The following RANBP2 variants were observed in gnomAD, a reference collection of about 807,000 sequenced individuals.
The protein encoded by RANBP2 is RAN binding protein 2, also known as E3 SUMO-protein ligase RanBP2.
In RANBP2, 57 loss-of-function variants were observed where a neutral mutation model predicts 303.6. The observed-to-expected ratio is 0.19, with a 90% CI of 0.15 to 0.23. RANBP2 has a LOEUF of 0.23. Ranked by LOEUF, RANBP2 falls within the 10% of genes least tolerant of loss-of-function variation. RANBP2 has a pLI of 1.00. For synonymous variants in RANBP2, 1,167 were observed against 1,301.5 expected (o/e 0.90, Z 2.23); for missense variants, 3,138 against 3,780.8 (o/e 0.83, Z 4.46).
intron 25 of RANBP2, 45 bp from the exon 26 acceptor site, chr2:108,781,224 T>TA (rs1678235068): frequency 1.3e-6 from 2 of 1,598,652 alleles, no homozygotes. Flanking sequence ...ATGAAAAATG[T>TA]AAAAAATAGA....
intron 1 of RANBP2, among the ~76,000 whole-genome samples, chr2:108,721,808 C>T (rs1264666372): frequency 1.3e-5 from 2 of 152,042 alleles, no homozygotes; most frequent in Non-Finnish European, 2.9e-5. Flanking sequence ...GTGGCGGGAT[C>T]GTGGCTCACT....
the RANBP2 span, among the ~76,000 whole-genome samples, chr2:109,397,990 C>T: frequency 6.6e-6 from 1 of 152,238 alleles, no homozygotes; most frequent in African/African-American, 2.4e-5. Flanking sequence ...ATTGACACCT[C>T]CTGGGGTATG....
At chr2:109,720,062 C>T in the RANBP2 span, among the ~76,000 whole-genome samples, 38 of 152,226 alleles carry the variant, frequency 2.5e-4, no homozygotes, top group South Asian at 5.6e-3. Flanking sequence ...CAGCCAGCTT[C>T]GGCCAGCTAA....
At chr2:109,544,450 CA>C in the RANBP2 span, 11 of 1,392,526 alleles carry the variant, frequency 7.9e-6, no homozygotes, top group Middle Eastern at 2.7e-4. Context: ...AAGAAAAAAC[CA>C]AAAACACCAA....
the RANBP2 span, among the ~76,000 whole-genome samples, chr2:109,430,628 G>A: frequency 3.9e-5 from 6 of 152,118 alleles, no homozygotes; most frequent in African/African-American, 1.2e-4. Context: ...CGTGTTGGCT[G>A]CAGTTGTTTG....
the RANBP2 span, among the ~76,000 whole-genome samples, chr2:109,423,137 T>C: frequency 6.6e-6 from 1 of 151,894 alleles, no homozygotes; most frequent in Non-Finnish European, 1.5e-5. Context: ...ACCACCCAGA[T>C]GGCACCTGAG....
the RANBP2 span, among the ~76,000 whole-genome samples, chr2:108,911,910 T>A: frequency 1.3e-5 from 2 of 152,340 alleles, no homozygotes; most frequent in African/African-American, 4.8e-5. Flanking sequence ...GGGGAATACC[T>A]GTAATAGCGT....
the RANBP2 span, chr2:109,574,799 T>C: frequency 6.8e-7 from 1 of 1,467,088 alleles, no homozygotes; most frequent in Non-Finnish European, 9.2e-7. Context: ...TAATACAACA[T>C]TATTTGTGCT....
chr2:109,524,101 G>A, the RANBP2 span, among the ~76,000 whole-genome samples: 7 of 152,288 alleles, frequency 4.6e-5, no homozygotes, highest in South Asian at 2.1e-4. Context: ...CTGGGACTCC[G>A]TGGGCCTCCG....
At chr2:109,713,499 C>A in the RANBP2 span, among the ~76,000 whole-genome samples, 1 of 152,186 alleles carries the variant, frequency 6.6e-6, no homozygotes, top group African/African-American at 2.4e-5. Flanking sequence ...AGCCTCTCAG[C>A]GCTCCAGCTT....
chr2:109,067,813 G>A, the RANBP2 span, among the ~76,000 whole-genome samples: 2 of 152,064 alleles, frequency 1.3e-5, no homozygotes, highest in African/African-American at 4.8e-5. Flanking sequence ...AGCTAATGCT[G>A]TGGGCTCCAG....
chr2:109,623,486 G>A, the RANBP2 span, among the ~76,000 whole-genome samples: 1 of 152,200 alleles, frequency 6.6e-6, no homozygotes, highest in African/African-American at 2.4e-5. Context: ...TCCGGACTCT[G>A]CCCCACAATT....
the RANBP2 span, among the ~76,000 whole-genome samples, chr2:109,403,545 A>G: frequency 0.13 from 19,225 of 152,272 alleles, 1,417 homozygotes; most frequent in East Asian, 0.29. Context: ...AGTTTACTCC[A>G]TAAAATGCAC....
chr2:109,067,379 G>C, the RANBP2 span, among the ~76,000 whole-genome samples: 8 of 152,228 alleles, frequency 5.3e-5, no homozygotes, highest in Non-Finnish European at 8.8e-5. Flanking sequence ...CGCCTCCAAA[G>C]ATAGCTACTG....
At chr2:109,418,574 T>C in the RANBP2 span, among the ~76,000 whole-genome samples, 37 of 152,076 alleles carry the variant, frequency 2.4e-4, no homozygotes, top group East Asian at 5.4e-3. Context: ...CGGTCCTCCT[T>C]CTCTGTGTTG....
the RANBP2 span, among the ~76,000 whole-genome samples, chr2:108,967,161 C>T: frequency 6.6e-6 from 1 of 152,162 alleles, no homozygotes; most frequent in Non-Finnish European, 1.5e-5. Context: ...TTTTGAACTC[C>T]TGCCCTCAAC....
the RANBP2 span, among the ~76,000 whole-genome samples, chr2:109,290,205 C>T: frequency 6.6e-6 from 1 of 152,212 alleles, no homozygotes; most frequent in Non-Finnish European, 1.5e-5. Flanking sequence ...CTGGGTGGCT[C>T]TTTCATATCT....
At chr2:109,177,162 A>G in the RANBP2 span, among the ~76,000 whole-genome samples, 2 of 152,204 alleles carry the variant, frequency 1.3e-5, no homozygotes, top group African/African-American at 4.8e-5. Context: ...CTTTACAGAC[A>G]CACTCAGCCC....
At chr2:108,796,210 G>A in the RANBP2 span, among the ~76,000 whole-genome samples, 5 of 151,928 alleles carry the variant, frequency 3.3e-5, no homozygotes, top group East Asian at 3.9e-4. Context: ...CACCGCGCCC[G>A]GCTAATTTTT....
Sources: gnomAD v4.1 joint callset for allele counts (sites outside exome capture counted in the v4.1 genomes callset) on GRCh38, gnomAD v4.1.1 for gene constraint, MANE v1.5 for transcripts, NCBI Gene and HGNC (gene_info 2026-07-23, HGNC 2026-07-21) for gene names.